The following NCKAP5 variants were observed in gnomAD, a reference collection of about 807,000 sequenced individuals.
NCKAP5 encodes the protein nck-associated protein 5.
A neutral mutation model predicts 167.0 loss-of-function variants in NCKAP5; 92 were observed. That is an observed-to-expected ratio of 0.55 (90% confidence interval 0.47 to 0.66). NCKAP5 has a LOEUF of 0.66. Among genes scored for constraint, NCKAP5 ranks in the 30% least tolerant of loss-of-function variants. The pLI is 0.00. For missense variants in NCKAP5, 2,378 were observed against 2,315.0 expected (o/e 1.03, Z -0.56); for synonymous variants, 891 against 877.4 (o/e 1.02, Z -0.27).
chr2:132,835,202 G>A (rs532647869), intron 11 of NCKAP5, among the ~76,000 whole-genome samples: 1 of 152,066 alleles, frequency 6.6e-6, no homozygotes, highest in Non-Finnish European at 1.5e-5. Context: ...ATGTGCTGTT[G>A]GATTCTGTTT....
In NCKAP5 at chr2:133,525,980, G is replaced by A. The variant is rs367752266; in HGVS notation, c.-61-8393C>T. On this transcript the variant is annotated intron_variant, in intron 2 of 19. Transcript: ENST00000409261. Reference sequence around the variant, plus strand: ...ATCCCCTTAACAACGTAACTCTGGGGATTAAAATGATTCCTGTTTTAAAAT... The same window carrying A: ...ATCCCCTTAACAACGTAACTCTGGGAATTAAAATGATTCCTGTTTTAAAAT... Among the ~76,000 whole-genome samples the A allele has an allele frequency of 3.5e-4, 53 of 152,102 alleles. No individual in the cohort carries two copies. The East Asian group carries it at 7.5e-3, about 22-fold the overall frequency.
At chr2:133,473,664 G>A (rs190441952) in intron 3 of NCKAP5, among the ~76,000 whole-genome samples, 73 of 152,318 alleles carry the variant, frequency 4.8e-4, no homozygotes, top group East Asian at 1.7e-3. Context: ...CTTTGTAAAC[G>A]TTGTCTAGTG....
At chr2:133,609,645 C>T in the NCKAP5 span, among the ~76,000 whole-genome samples, 1 of 152,098 alleles carries the variant, frequency 6.6e-6, no homozygotes, top group South Asian at 2.1e-4. Context: ...CCAGAGACAA[C>T]CAGGCTTCTA....
intron 4 of NCKAP5, among the ~76,000 whole-genome samples, chr2:133,215,650 T>C (rs2086395267): frequency 6.6e-6 from 1 of 152,152 alleles, no homozygotes; most frequent in South Asian, 2.1e-4. Context: ...AAAGGAATAA[T>C]CTACACTTAA....
At chr2:132,876,192 C>G (rs946214142) in intron 9 of NCKAP5, among the ~76,000 whole-genome samples, 2 of 152,092 alleles carry the variant, frequency 1.3e-5, no homozygotes, top group African/African-American at 2.4e-5. Flanking sequence ...CCAAGAGATC[C>G]TACTACCTCA....
At chr2:132,680,032 A>G (rs568372947) in intron 19 of NCKAP5, among the ~76,000 whole-genome samples, 23 of 152,232 alleles carry the variant, frequency 1.5e-4, no homozygotes, top group East Asian at 9.7e-4. Context: ...TACTTTCTAG[A>G]TGAGACATAA....
intron 4 of NCKAP5, among the ~76,000 whole-genome samples, chr2:133,234,079 A>T (rs745348722): frequency 1.1e-4 from 16 of 152,130 alleles, no homozygotes; most frequent in Admixed American, 1.0e-3. Context: ...TCCTCATGAG[A>T]GCTTAAGGGA....
chr2:133,239,527 T>A (rs1392052466), intron 4 of NCKAP5, among the ~76,000 whole-genome samples: 1 of 152,206 alleles, frequency 6.6e-6, no homozygotes, highest in East Asian at 1.9e-4. Context: ...TTTTCTGTTA[T>A]AGAACTAGAC....
intron 3 of NCKAP5, among the ~76,000 whole-genome samples, chr2:133,370,294 C>G (rs1036013003): frequency 2.0e-5 from 3 of 152,198 alleles, no homozygotes; most frequent in Non-Finnish European, 4.4e-5. Context: ...TTTATCCAAA[C>G]AGCTTTACTC....
chr2:133,349,665 C>T (rs934735290), intron 3 of NCKAP5, among the ~76,000 whole-genome samples: 4 of 152,200 alleles, frequency 2.6e-5, no homozygotes, highest in Non-Finnish European at 5.9e-5. Context: ...ATTAGGTTCA[C>T]ATGTTTGGCA....
rs1248199831 is a variant in NCKAP5, at chr2:132,785,027, C to G, written c.1784G>C (p.Ser595Thr). The change falls in exon 14 of 20, where the codon AGC becomes ACC. Residue 595 changes from serine to threonine, a missense_variant. By Grantham distance (58) the Ser-to-Thr change is moderately conservative. This residue lies in a region of NCKAP5 where 1,049 missense variants were observed against 1,023.4 expected (regional missense o/e 1.02). Transcript: ENST00000409261. ...NETFDELHIE[S>T]SDEKSPSDVS... ...GTCTGAAGGACTTTTCTCATCACTG[C>G]TCTCTATGTGCAGCTCATCAAACGT... The G allele has an allele frequency of 6.2e-7, 1 of 1,613,904 alleles. No individual in the cohort carries two copies. Among genetic ancestry groups the G allele is most frequent in the African/African-American group, 1.3e-5 (1 of 74,950 alleles).
At chr2:133,047,130 C>T (rs753857223) in intron 6 of NCKAP5, among the ~76,000 whole-genome samples, 2 of 152,210 alleles carry the variant, frequency 1.3e-5, no homozygotes, top group African/African-American at 4.8e-5. Context: ...ATGATGATTG[C>T]AAACTGTACA....
chr2:133,498,483 GC>G (rs1250258631), intron 3 of NCKAP5, among the ~76,000 whole-genome samples: 154 of 126,830 alleles, frequency 1.2e-3, no homozygotes, highest in African/African-American at 3.8e-3. Context: ...AGGAAGGAAG[GC>G]AGGCAGGCAG....
At chr2:133,295,277 G>A (rs1009899455) in intron 4 of NCKAP5, among the ~76,000 whole-genome samples, 1 of 152,080 alleles carries the variant, frequency 6.6e-6, no homozygotes, top group Admixed American at 6.5e-5. Context: ...CACTTCCCTC[G>A]ATATGTTCCT....
chr2:132,956,268 T>C (rs2076340935), intron 8 of NCKAP5, among the ~76,000 whole-genome samples: 2 of 152,222 alleles, frequency 1.3e-5, no homozygotes, highest in South Asian at 4.1e-4. Context: ...TTGGGTTTAG[T>C]ACAGAACTGG....
intron 5 of NCKAP5, among the ~76,000 whole-genome samples, chr2:133,159,851 T>C (rs1451221687): frequency 6.6e-6 from 1 of 152,122 alleles, no homozygotes; most frequent in Non-Finnish European, 1.5e-5. Flanking sequence ...AGTCCAATAG[T>C]ACACATAATG....
chr2:133,247,446 A>G (rs150684168), intron 4 of NCKAP5, among the ~76,000 whole-genome samples: 3,765 of 152,292 alleles, frequency 0.025, 151 homozygotes, highest in African/African-American at 0.085. Flanking sequence ...AAACCCCTTC[A>G]AATTTTACAG....
intron 3 of NCKAP5, among the ~76,000 whole-genome samples, chr2:133,407,430 C>T (rs1469630359): frequency 1.3e-5 from 2 of 152,184 alleles, no homozygotes; most frequent in Non-Finnish European, 2.9e-5. Context: ...CCACTTACCA[C>T]AGCATTCAAA....
intron 2 of NCKAP5, among the ~76,000 whole-genome samples, chr2:133,552,446 C>T (rs1386265961): frequency 1.8e-4 from 26 of 146,866 alleles, no homozygotes; most frequent in South Asian, 2.3e-4. Context: ...TCCTTTGTAG[C>T]GACATGGATG....
Sources: gnomAD v4.1 joint callset for allele counts (sites outside exome capture counted in the v4.1 genomes callset) on GRCh38, gnomAD v4.1.1 for gene constraint, gnomAD v4.1.1 regional missense constraint, MANE v1.5 for transcripts, NCBI Gene and HGNC (gene_info 2026-07-23, HGNC 2026-07-21) for gene names.